Variants in GLRB observed in about 807,000 individuals in gnomAD.
The protein encoded by GLRB is glycine receptor beta.
Under a neutral mutation model 54.2 loss-of-function variants are expected in GLRB, and 33 were observed. The ratio of observed to expected loss-of-function variants is 0.61; its 90% confidence interval spans 0.46 to 0.81. GLRB has a LOEUF of 0.81. GLRB is among the 40% of genes least tolerant of loss of function. The pLI is 0.00. For missense variants in GLRB, 572 were observed against 584.6 expected, an observed-to-expected ratio of 0.98 and a Z score of 0.22; for synonymous variants, 209 against 208.2, an observed-to-expected ratio of 1.00 and a Z score of -0.03.
intron 2 of GLRB, among the ~76,000 whole-genome samples, chr4:157,089,713 G>A (rs573723740): frequency 2.7e-4 from 41 of 152,150 alleles, no homozygotes; most frequent in African/African-American, 9.9e-4. Flanking sequence ...TTTCCCCTGG[G>A]TAATATCTAT....
At chr4:157,089,324 A>G (rs962535068) in intron 2 of GLRB, among the ~76,000 whole-genome samples, 26 of 152,174 alleles carry the variant, frequency 1.7e-4, no homozygotes, top group Non-Finnish European at 7.4e-5. Context: ...ACCTGAGTCC[A>G]GGAGGACAAG....
At chr4:157,160,662 T>C (rs1737445955) in intron 9 of GLRB, among the ~76,000 whole-genome samples, 1 of 152,136 alleles carries the variant, frequency 6.6e-6, no homozygotes, top group South Asian at 2.1e-4. Flanking sequence ...TTCTTAATCC[T>C]GAGTTCTAGT....
intron 9 of GLRB, among the ~76,000 whole-genome samples, chr4:157,154,932 C>G (rs1334283300): frequency 7.2e-5 from 11 of 152,086 alleles, no homozygotes; most frequent in African/African-American, 2.7e-4. Context: ...CTCTTTCATC[C>G]CTTAAGCTGA....
chr4:157,094,583 G>T (rs1054841670), intron 2 of GLRB, among the ~76,000 whole-genome samples: 1 of 152,136 alleles, frequency 6.6e-6, no homozygotes, highest in Non-Finnish European at 1.5e-5. Flanking sequence ...GTAGCCTAAA[G>T]GCCAAAAGAG....
intron 4 of GLRB, among the ~76,000 whole-genome samples, chr4:157,122,635 TC>T (rs1171414444): frequency 1.3e-5 from 2 of 151,682 alleles, no homozygotes; most frequent in Admixed American, 6.6e-5. Flanking sequence ...ATTGATGTAT[TC>T]CCCCTGAAAA....
intron 7 of GLRB, among the ~76,000 whole-genome samples, chr4:157,143,305 G>A (rs1489583053): frequency 6.6e-6 from 1 of 151,708 alleles, no homozygotes; most frequent in Non-Finnish European, 1.5e-5. Flanking sequence ...AATTTTTAAG[G>A]TTTATCTATA....
intron 2 of GLRB, among the ~76,000 whole-genome samples, chr4:157,083,997 G>A (rs1046299576): frequency 2.0e-5 from 3 of 151,948 alleles, no homozygotes; most frequent in Admixed American, 6.6e-5. Flanking sequence ...AATTTATAAG[G>A]CATAGTTTTA....
chr4:157,170,740 C>A lies in GLRB; in HGVS notation c.*12C>A. On this transcript the variant is annotated 3_prime_UTR_variant, in exon 10 of 10. Transcript: ENST00000264428. ...CTATATATTTATGATAAATCTTTTC[C>A]ATTTGTACAAAATAAAATTCCATTT... 1 of 1,373,984 alleles carries A rather than the reference C, an allele frequency of 7.3e-7. No individual in the cohort carries two copies. Among genetic ancestry groups the A allele is most frequent in the Non-Finnish European group, 9.9e-7 (1 of 1,013,242 alleles). 85.1% of individuals were successfully genotyped at this position (1,373,984 alleles called of 1,614,324 possible).
At chr4:157,147,004 G>A (rs1487133229) in intron 8 of GLRB, among the ~76,000 whole-genome samples, 1 of 152,196 alleles carries the variant, frequency 6.6e-6, no homozygotes, top group East Asian at 1.9e-4. Flanking sequence ...AAAGGTGCAA[G>A]TAAATACAGT....
At chr4:157,110,468 C>G (rs1489352412) in intron 2 of GLRB, among the ~76,000 whole-genome samples, 1 of 151,926 alleles carries the variant, frequency 6.6e-6, no homozygotes, top group African/African-American at 2.4e-5. Context: ...TATTCTTCAG[C>G]TTCAAGGTTT....
chr4:157,099,068 C>T (rs149098068), intron 2 of GLRB, among the ~76,000 whole-genome samples: 4 of 152,226 alleles, frequency 2.6e-5, no homozygotes, highest in Non-Finnish European at 4.4e-5. Context: ...TGAGGACAAA[C>T]AGCTCAGCTA....
intron 2 of GLRB, among the ~76,000 whole-genome samples, chr4:157,102,858 G>T (rs1450455299): frequency 6.6e-6 from 1 of 152,116 alleles, no homozygotes; most frequent in Non-Finnish European, 1.5e-5. Context: ...TTACAATTAG[G>T]TTCTCTATGT....
At chr4:157,146,827 C>A (rs1736830609) in intron 8 of GLRB, among the ~76,000 whole-genome samples, 1 of 151,110 alleles carries the variant, frequency 6.6e-6, no homozygotes, top group African/African-American at 2.4e-5. Context: ...TCCCCCACCT[C>A]CCCCCGCAAA....
At chr4:157,145,312 C>T (rs1389409843) in intron 8 of GLRB, among the ~76,000 whole-genome samples, 1 of 152,116 alleles carries the variant, frequency 6.6e-6, no homozygotes, top group Non-Finnish European at 1.5e-5. Context: ...AAAGCCAGTT[C>T]TGGATTTACT....
chr4:157,078,048 C>CT lies in GLRB; in HGVS notation c.29dup (p.Leu10PhefsTer14). The CT allele has an allele frequency of 1.2e-6, 2 of 1,611,010 alleles. No individual in the cohort carries two copies. Among genetic ancestry groups the CT allele is most frequent in the Non-Finnish European group, 1.7e-6 (2 of 1,177,680 alleles). On this transcript the variant is annotated frameshift_variant, in exon 2 of 10. Transcript: ENST00000264428. LOFTEE classifies it high-confidence loss of function. ...AGATGAAGTTTTTATTGACAACTGC[C>CT]TTTTTAATTTTAATTTCCTTGTGGG... is the stretch of plus-strand genomic sequence containing the variant.
At chr4:157,093,119 A>G (rs1240748947) in intron 2 of GLRB, among the ~76,000 whole-genome samples, 5 of 152,050 alleles carry the variant, frequency 3.3e-5, no homozygotes, top group African/African-American at 1.2e-4. Flanking sequence ...CAAGCAACAT[A>G]TTGGGTTTAC....
intron 2 of GLRB, among the ~76,000 whole-genome samples, chr4:157,086,238 A>AG (rs1734408784): frequency 2.0e-5 from 3 of 152,202 alleles, no homozygotes; most frequent in Admixed American, 1.3e-4. Context: ...TGCTTAATAT[A>AG]TCTAGGCTTT....
In GLRB at chr4:157,087,773, T is replaced by C. The variant is rs73856817; in HGVS notation, c.122+9627T>C. 4.7e-3 allele frequency among the ~76,000 whole-genome samples: 707 copies of C among 150,432 alleles called. 6 individuals carry two copies. Among genetic ancestry groups the C allele is most frequent in the African/African-American group, 0.016 (636 of 40,992 alleles). ...TTTTCACAGATTAAGGAATTCGACT[T>C]ACTGAAATGTATCCTTTTTTTTTTC... On this transcript the variant is annotated intron_variant, in intron 2 of 9. Coordinates refer to ENST00000264428, the MANE Select transcript of GLRB (RefSeq NM_000824.5).
At chr4:157,165,996 C>T (rs919994935) in intron 9 of GLRB, among the ~76,000 whole-genome samples, 5 of 151,900 alleles carry the variant, frequency 3.3e-5, no homozygotes, top group Non-Finnish European at 2.9e-5. Context: ...GACATGAAAT[C>T]GTGCCTAATT....
Sources: allele counts gnomAD v4.1 joint callset (sites outside exome capture counted in the v4.1 genomes callset), GRCh38; gene constraint gnomAD v4.1.1; transcripts MANE v1.5; gene names NCBI Gene and HGNC (gene_info 2026-07-23, HGNC 2026-07-21).